Variants in IFT122 observed in about 807,000 individuals in gnomAD.
IFT122 encodes the protein intraflagellar transport protein 122 homolog.
In IFT122, 118 loss-of-function variants were observed where a neutral mutation model predicts 161.6. The ratio of observed to expected loss-of-function variants is 0.73; its 90% CI spans 0.63 to 0.85. The LOEUF (loss-of-function observed/expected upper bound fraction) is 0.85, where lower values mean the gene tolerates loss of function less well. Ranked by LOEUF, IFT122 falls within the 40% of genes least tolerant of loss-of-function variation. The pLI is 0.00. For synonymous variants in IFT122, 550 were observed against 602.4 expected (o/e 0.91, Z 1.27); for missense variants, 1,381 against 1,579.6 (o/e 0.87, Z 2.13).
At chr3:129,469,988 A>G (rs1475307696) in intron 9 of IFT122, among the ~76,000 whole-genome samples, 1 of 152,180 alleles carries the variant, frequency 6.6e-6, no homozygotes, top group Non-Finnish European at 1.5e-5. Context: ...TTTGGGACAC[A>G]AAAGAGGGTA....
chr3:129,483,886 C>T, intron 15 of IFT122: 1 of 637,824 alleles, frequency 1.6e-6, no homozygotes, highest in South Asian at 1.8e-5. Context: ...ACAGCTCAAC[C>T]TCCCTGAGTA....
chr3:129,474,721 G>T (rs530655085), intron 9 of IFT122, among the ~76,000 whole-genome samples: 2 of 152,266 alleles, frequency 1.3e-5, no homozygotes, highest in African/African-American at 4.8e-5. Context: ...ATGACCTTGG[G>T]GGCTGAGCTC....
At chr3:129,488,794 C>T (rs1230357292) in intron 16 of IFT122, among the ~76,000 whole-genome samples, 3 of 152,064 alleles carry the variant, frequency 2.0e-5, no homozygotes, top group Non-Finnish European at 2.9e-5. Flanking sequence ...GGTGTAGTCA[C>T]TGGCCATGAT....
intron 14 of IFT122, among the ~76,000 whole-genome samples, chr3:129,482,136 T>A (rs1209126103): frequency 2.0e-5 from 3 of 152,210 alleles, no homozygotes; most frequent in African/African-American, 7.2e-5. Flanking sequence ...GGATGTTTTG[T>A]CATCTGAAAG....
At chr3:129,444,177 C>T (rs904656957) in intron 1 of IFT122, among the ~76,000 whole-genome samples, 1 of 152,236 alleles carries the variant, frequency 6.6e-6, no homozygotes, top group African/African-American at 2.4e-5. Flanking sequence ...AGGAGATCAG[C>T]TTTTCTGGCC....
At position 129,518,974 on chromosome 3, in the gene IFT122, C is replaced by G; in HGVS notation, c.3392-133C>G. 4 of 800,770 alleles carry G rather than the reference C, an allele frequency of 5.0e-6. No individual in the cohort carries two copies. In the South Asian group the frequency reaches 5.4e-5, roughly 11 times the overall value. 49.6% of individuals were successfully genotyped at this position (800,770 alleles called of 1,614,324 possible). On this transcript the variant is annotated intron_variant, in intron 27 of 29. Coordinates refer to ENST00000348417, the MANE Select transcript of IFT122 (RefSeq NM_052989.3). ...CCTTCTGATTCCTTGGCCTGAGCCC[C>G]CTCTGTTCCTCCACCTGGAAAACTC...
Position 129,440,355 on chromosome 3 carries a change from G to A in IFT122, c.25G>A (p.Asp9Asn). Residue 9 changes from aspartate to asparagine, a missense_variant, in exon 1 of 30, where the codon GAT (aspartate) becomes AAT (asparagine). Physicochemically the swap from Asp to Asn is conservative, Grantham distance 23 (BLOSUM62 1). This residue lies in a region of IFT122 where 134 missense variants were observed against 137.4 expected (regional missense o/e 0.98). Coordinates refer to ENST00000348417, the MANE Select transcript of IFT122 (RefSeq NM_052989.3). ...GATGAGGGCCGTGTTGACGTGGAGA[G>A]ATAAAGCCGAGCACTGGTGAGGAGC... Reference protein sequence around the residue: MRAVLTWRDKAEHCINDIA... With the variant: MRAVLTWRNKAEHCINDIA... 1 of 1,550,888 alleles carries A rather than the reference G, an allele frequency of 6.4e-7. No individual in the cohort carries two copies. The highest frequency in any genetic ancestry group is 8.7e-7 in the Non-Finnish European group (1 of 1,146,834).
chr3:129,499,026 C>T (rs528216115), intron 18 of IFT122, among the ~76,000 whole-genome samples: 3 of 152,306 alleles, frequency 2.0e-5, no homozygotes, highest in South Asian at 2.1e-4. Flanking sequence ...ATGCTGAGGC[C>T]GAAGGAACAC....
At chr3:129,451,063 A>C (rs958670754) in intron 2 of IFT122, among the ~76,000 whole-genome samples, 3 of 152,012 alleles carry the variant, frequency 2.0e-5, no homozygotes, top group African/African-American at 7.3e-5. Flanking sequence ...TAGATGTCAC[A>C]TGGCTATCAA....
At position 129,505,326 on chromosome 3, in the gene IFT122, C is replaced by T. The variant is rs546086796; in HGVS notation, c.2650+905C>T. On this transcript the variant is annotated intron_variant, in intron 21 of 29. Transcript: ENST00000348417. ...TTGATGTTCCATAGCATCTGATTTA[C>T]GCTTCTATATGGTAACCGTTGCCCT... is the stretch of plus-strand genomic sequence containing the variant. Among the ~76,000 whole-genome samples the T allele has an allele frequency of 5.9e-5, 9 of 152,296 alleles. No individual in the cohort carries two copies. The East Asian group carries it at 1.3e-3, about 23-fold the overall frequency.
At chr3:129,468,219 T>C (rs1452096019) in intron 8 of IFT122, among the ~76,000 whole-genome samples, 2 of 152,240 alleles carry the variant, frequency 1.3e-5, no homozygotes, top group Non-Finnish European at 2.9e-5. Flanking sequence ...GGCTTTACCT[T>C]GCCTGCCTAC....
chr3:129,502,549 T>C (rs1236454790), intron 19 of IFT122, among the ~76,000 whole-genome samples, 162 bp from the exon 20 acceptor site: 4 of 152,200 alleles, frequency 2.6e-5, no homozygotes, highest in African/African-American at 9.7e-5. Context: ...ATCCTGGTGA[T>C]GTTTCTGGAG....
intron 7 of IFT122, among the ~76,000 whole-genome samples, chr3:129,465,465 C>CTTTTTT (rs61439083): frequency 2.7e-4 from 27 of 101,222 alleles, no homozygotes; most frequent in African/African-American, 3.8e-4. Context: ...ATTATATGCT[C>CTTTTTT]TTTTTTTTTT....
intron 3 of IFT122, 103 bp from the exon 4 acceptor site, chr3:129,458,496 A>C (rs1399653188): frequency 6.1e-6 from 6 of 977,574 alleles, no homozygotes; most frequent in Non-Finnish European, 8.2e-6. Context: ...AAAGAAGCTA[A>C]CACTTACTAG....
At chr3:129,515,917 G>A (rs1308970518) in intron 26 of IFT122, among the ~76,000 whole-genome samples, 1 of 152,120 alleles carries the variant, frequency 6.6e-6, no homozygotes, top group Non-Finnish European at 1.5e-5. Context: ...AGGTTATCAA[G>A]GCCCAGCTCC....
At chr3:129,519,065 C>T in intron 27 of IFT122, 42 bp from the exon 28 acceptor site, 3 of 1,552,630 alleles carry the variant, frequency 1.9e-6, no homozygotes, top group Non-Finnish European at 2.7e-6. Flanking sequence ...GGGTCTGTCT[C>T]CATCTCTGCT....
Position 129,515,661 on chromosome 3 carries a change from C to T in IFT122, c.3265+62C>T. 4 of 1,433,462 alleles carry T rather than the reference C, an allele frequency of 2.8e-6. No homozygotes were observed. In the South Asian group the frequency reaches 3.4e-5, roughly 12 times the overall value. 88.8% of individuals were successfully genotyped at this position (1,433,462 alleles called of 1,614,324 possible). On this transcript the variant is annotated intron_variant, in intron 26 of 29. Transcript: ENST00000348417. Reference sequence around the variant, plus strand: ...CCTGTGGACAGCCAGGCTCACTCCACTGCTCTCTGGCCTCAGGACGTTGGG... The same window carrying T: ...CCTGTGGACAGCCAGGCTCACTCCATTGCTCTCTGGCCTCAGGACGTTGGG...
At chr3:129,453,359 T>G in intron 3 of IFT122, among the ~76,000 whole-genome samples, 1 of 150,392 alleles carries the variant, frequency 6.6e-6, no homozygotes, top group African/African-American at 2.5e-5. Context: ...TTTCAGAGAG[T>G]TGAAGAGAAA....
Position 129,495,601 on chromosome 3 carries a change from T to C in IFT122, c.2202T>C (p.Tyr734=). 6.2e-7 allele frequency: 1 copy of C among 1,614,186 alleles called. No individual in the cohort carries two copies. Among genetic ancestry groups the C allele is most frequent in the South Asian group, 1.1e-5 (1 of 91,088 alleles). Residue 734 remains tyrosine, a synonymous_variant, in exon 18 of 30, where the codon TAT becomes TAC. Transcript: ENST00000348417. ...ACACCGACCTCTGCATGTTTGAGTA[T>C]GCCAAGGTAACCTACCCTGTCCCAG... is the stretch of plus-strand genomic sequence containing the variant. ...EMYTDLCMFE[Y]AKDFLGSGDP... is the part of the protein sequence containing the mutation.
Sources: allele counts gnomAD v4.1 joint callset (sites outside exome capture counted in the v4.1 genomes callset), GRCh38; gene constraint gnomAD v4.1.1; regional missense constraint gnomAD v4.1.1; transcripts MANE v1.5; gene names NCBI Gene and HGNC (gene_info 2026-07-23, HGNC 2026-07-21).